SCAPER: variants seen among roughly 807,000 people sequenced by gnomAD.
SCAPER encodes the protein S phase cyclin A-associated protein in the endoplasmic reticulum.
A neutral mutation model predicts 182.2 loss-of-function variants in SCAPER; 98 were observed. The observed-to-expected ratio is 0.54, with a 90% CI of 0.46 to 0.64. The LOEUF is 0.64. SCAPER is among the 30% of genes least tolerant of loss of function. SCAPER has a pLI of 0.00. For synonymous variants in SCAPER, 605 were observed against 564.6 expected, an observed-to-expected ratio of 1.07 and a Z score of -1.01; for missense variants, 1,432 against 1,690.0, an observed-to-expected ratio of 0.85 and a Z score of 2.68.
intron 2 of SCAPER, among the ~76,000 whole-genome samples, 164 bp downstream of exon 2, chr15:76,883,648 G>C (rs1282128539): frequency 6.6e-6 from 1 of 152,164 alleles, no homozygotes; most frequent in East Asian, 1.9e-4. Flanking sequence ...TGGGCTCTAA[G>C]GTTGAATAGT....
At chr15:76,897,186 T>G (rs2074486337) in intron 1 of SCAPER, among the ~76,000 whole-genome samples, 1 of 152,198 alleles carries the variant, frequency 6.6e-6, no homozygotes, top group Admixed American at 6.5e-5. Flanking sequence ...ACTCAATACT[T>G]GGTAGCTGTG....
intron 3 of SCAPER, 61 bp downstream of exon 3, chr15:76,862,355 T>C (rs1246247772): frequency 1.9e-6 from 2 of 1,032,042 alleles, no homozygotes; most frequent in Non-Finnish European, 2.9e-6. Context: ...TCTATCTCTT[T>C]AGGACTAAAT....
intron 22 of SCAPER, among the ~76,000 whole-genome samples, chr15:76,619,903 T>C (rs1038767117): frequency 1.3e-5 from 2 of 151,962 alleles, no homozygotes; most frequent in Non-Finnish European, 1.5e-5. Flanking sequence ...CAAGGTAAAA[T>C]TGTCTCTACT....
intron 17 of SCAPER, among the ~76,000 whole-genome samples, chr15:76,721,247 A>G (rs1197224922): frequency 4.6e-5 from 7 of 152,124 alleles, no homozygotes; most frequent in Admixed American, 1.3e-4. Context: ...GATATGCGGC[A>G]TTATTTCTGA....
At chr15:76,654,726 C>T (rs545615141) in intron 21 of SCAPER, among the ~76,000 whole-genome samples, 1 of 152,356 alleles carries the variant, frequency 6.6e-6, no homozygotes, top group African/African-American at 2.4e-5. Flanking sequence ...AAGTCCCTGA[C>T]TCAGGCATCC....
At chr15:76,635,152 G>T (rs2146297174) in intron 21 of SCAPER, among the ~76,000 whole-genome samples, 1 of 152,186 alleles carries the variant, frequency 6.6e-6, no homozygotes, top group African/African-American at 2.4e-5. Context: ...AATTATTCCA[G>T]TTCAGGGTCT....
intron 24 of SCAPER, among the ~76,000 whole-genome samples, chr15:76,499,128 A>C (rs2143662306): frequency 6.6e-6 from 1 of 152,320 alleles, no homozygotes; most frequent in East Asian, 1.9e-4. Flanking sequence ...TGGCCTTTTG[A>C]GTAAGCAACA....
intron 26 of SCAPER, among the ~76,000 whole-genome samples, chr15:76,428,484 A>G (rs2046594897): frequency 6.6e-6 from 1 of 152,174 alleles, no homozygotes; most frequent in Non-Finnish European, 1.5e-5. Flanking sequence ...TACAACATGG[A>G]TGGACCTGGA....
chr15:76,652,361 C>T (rs1248018216), intron 21 of SCAPER, among the ~76,000 whole-genome samples: 18 of 31,842 alleles, frequency 5.7e-4, no homozygotes, highest in African/African-American at 2.5e-3. Flanking sequence ...CACACACACA[C>T]ACACACACAC....
intron 4 of SCAPER, chr15:76,855,920 G>T (rs1347610068): frequency 1.0e-5 from 4 of 391,260 alleles, no homozygotes; most frequent in Non-Finnish European, 2.1e-5. Flanking sequence ...CCATTACTGG[G>T]TATATTACCA....
chr15:76,356,804 C>A (rs2040990030), intron 29 of SCAPER, among the ~76,000 whole-genome samples: 1 of 152,208 alleles, frequency 6.6e-6, no homozygotes, highest in Admixed American at 6.5e-5. Flanking sequence ...AATGGACTAC[C>A]TGTAGATTTC....
intron 23 of SCAPER, among the ~76,000 whole-genome samples, chr15:76,544,885 T>C (rs1389969113): frequency 2.6e-5 from 4 of 152,202 alleles, no homozygotes; most frequent in Non-Finnish European, 5.9e-5. Context: ...GGTTTTGGTA[T>C]ACACTGATGG....
chr15:76,564,363 C>A (rs1264263710), intron 23 of SCAPER, among the ~76,000 whole-genome samples: 3 of 152,084 alleles, frequency 2.0e-5, no homozygotes, highest in Admixed American at 6.6e-5. Flanking sequence ...TTCCTACACA[C>A]CAACAACAGT....
At chr15:76,717,333 C>T (rs1009729957) in intron 17 of SCAPER, among the ~76,000 whole-genome samples, 6 of 152,044 alleles carry the variant, frequency 3.9e-5, no homozygotes, top group Non-Finnish European at 5.9e-5. Context: ...CATGGATACA[C>T]ATAAAGTATA....
At chr15:76,879,607 AG>A (rs2073403457) in intron 2 of SCAPER, among the ~76,000 whole-genome samples, 1 of 152,188 alleles carries the variant, frequency 6.6e-6, no homozygotes, top group Non-Finnish European at 1.5e-5. Flanking sequence ...GAGTAAGTGG[AG>A]GAAAAGCAAT....
intron 17 of SCAPER, among the ~76,000 whole-genome samples, chr15:76,709,523 A>C (rs964189109): frequency 2.0e-5 from 3 of 152,246 alleles, no homozygotes; most frequent in African/African-American, 4.8e-5. Context: ...AGAAGATGTG[A>C]AAAATCTCAA....
rs1173060617 is a variant in SCAPER, at chr15:76,705,991, G to A, written c.2166-7C>T. 5 of 1,536,484 alleles carry A rather than the reference G, an allele frequency of 3.3e-6. No individual in the cohort carries two copies. The South Asian group carries it at 4.9e-5, about 15-fold the overall frequency. On this transcript the variant is annotated splice_polypyrimidine_tract_variant and splice_region_variant and intron_variant, in intron 17 of 31. Transcript: ENST00000563290. ...CAATCGTTCTTCCCTGTCTCTGTAA[G>A]AAGACAGTAAAAATTATAAACTCAA...
intron 14 of SCAPER, among the ~76,000 whole-genome samples, chr15:76,757,418 A>T (rs958173398): frequency 2.6e-5 from 4 of 151,722 alleles, no homozygotes; most frequent in Non-Finnish European, 5.9e-5. Context: ...TCAAAATTTC[A>T]TTCTTCTTAA....
At chr15:76,426,881 A>G (rs1567116279) in intron 26 of SCAPER, among the ~76,000 whole-genome samples, 1 of 152,238 alleles carries the variant, frequency 6.6e-6, no homozygotes, top group Non-Finnish European at 1.5e-5. Context: ...ACATAGACCA[A>G]TGGAACAAAA....
Sources: gnomAD v4.1 joint callset for allele counts (sites outside exome capture counted in the v4.1 genomes callset) on GRCh38, gnomAD v4.1.1 for gene constraint, MANE v1.5 for transcripts, NCBI Gene and HGNC (gene_info 2026-07-23, HGNC 2026-07-21) for gene names.